Variants in GRM8 observed in about 807,000 individuals in gnomAD.
GRM8 encodes glutamate metabotropic receptor 8, also known as metabotropic glutamate receptor 8.
Under a neutral mutation model 87.2 loss-of-function variants are expected in GRM8, and 47 were observed. The ratio of observed to expected loss-of-function variants is 0.54; its 90% CI spans 0.43 to 0.69. The LOEUF (loss-of-function observed/expected upper bound fraction) is 0.69. GRM8 is among the 30% of genes least tolerant of loss of function. GRM8 has a pLI of 0.00. For missense variants in GRM8, 1,019 were observed against 1,139.2 expected, an observed-to-expected ratio of 0.89 and a Z score of 1.52; for synonymous variants, 396 against 404.5, an observed-to-expected ratio of 0.98 and a Z score of 0.25.
chr7:127,082,648 C>G (rs1006978112), intron 3 of GRM8, among the ~76,000 whole-genome samples: 4 of 152,194 alleles, frequency 2.6e-5, no homozygotes, highest in Admixed American at 2.0e-4. Flanking sequence ...GGGAAAGTAA[C>G]AATCTTAGCT....
chr7:126,620,042 T>TACTTGTAATCCCAGC (rs149617639), intron 7 of GRM8, among the ~76,000 whole-genome samples: 48,611 of 151,960 alleles, frequency 0.32, 8,405 homozygotes, highest in East Asian at 0.43. Flanking sequence ...CAGTGGCTCA[T>TACTTGTAATCCCAGC]ACTTTGGGAA....
At chr7:126,848,744 C>T (rs35505390) in intron 6 of GRM8, among the ~76,000 whole-genome samples, 58,315 of 151,854 alleles carry the variant, frequency 0.38, 11,946 homozygotes, top group Non-Finnish European at 0.46. Flanking sequence ...TCACTTGAGC[C>T]CAGGAGGTCG....
intron 7 of GRM8, among the ~76,000 whole-genome samples, chr7:126,668,074 C>T (rs1050079369): frequency 6.6e-6 from 1 of 152,158 alleles, no homozygotes; most frequent in Non-Finnish European, 1.5e-5. Flanking sequence ...GAAGTTCCAG[C>T]CCTTTGCAGC....
At chr7:126,718,776 G>A (rs1009378114) in intron 7 of GRM8, among the ~76,000 whole-genome samples, 4 of 152,184 alleles carry the variant, frequency 2.6e-5, no homozygotes, top group Admixed American at 2.6e-4. Context: ...GTTCGTGTCA[G>A]CCACTTTCAC....
intron 9 of GRM8, among the ~76,000 whole-genome samples, chr7:126,487,610 G>A (rs1232070939): frequency 6.6e-6 from 1 of 151,784 alleles, no homozygotes; most frequent in Non-Finnish European, 1.5e-5. Flanking sequence ...ACTTTAAATG[G>A]ATCTTTCATC....
At chr7:126,676,394 A>T (rs1483367024) in intron 7 of GRM8, among the ~76,000 whole-genome samples, 1 of 152,124 alleles carries the variant, frequency 6.6e-6, no homozygotes, top group East Asian at 1.9e-4. Flanking sequence ...ATGTGGAACC[A>T]AAAAAAGAGC....
chr7:126,663,725 C>T (rs1805462860), intron 7 of GRM8, among the ~76,000 whole-genome samples: 1 of 152,156 alleles, frequency 6.6e-6, no homozygotes, highest in Non-Finnish European at 1.5e-5. Flanking sequence ...CCACTTAGAA[C>T]AGGAACAAGA....
intron 9 of GRM8, among the ~76,000 whole-genome samples, chr7:126,515,758 C>T (rs1413474724): frequency 6.6e-6 from 1 of 152,132 alleles, no homozygotes; most frequent in Non-Finnish European, 1.5e-5. Flanking sequence ...TTCTGCCTCC[C>T]TCTTCCATAT....
At position 127,059,350 on chromosome 7, in the gene GRM8, T is replaced by G. The variant is rs1311534388; in HGVS notation, c.727+47146A>C. Among the ~76,000 whole-genome samples, 34 of 151,210 alleles carry G rather than the reference T, an allele frequency of 2.2e-4. 1 individual carries two copies. Among genetic ancestry groups the G allele is most frequent in the Admixed American group, 7.2e-4 (11 of 15,218 alleles). On this transcript the variant is annotated intron_variant, in intron 3 of 10. Transcript: ENST00000339582. ...TTTTTGCTTTTTTTTTTTTTTGTTTTTTTTGAGATGGAGTCTTGCTCTGTC... is the reference window on the plus strand; with the variant it reads ...TTTTTGCTTTTTTTTTTTTTTGTTTGTTTTGAGATGGAGTCTTGCTCTGTC...
At position 126,800,766 on chromosome 7, in the gene GRM8, A is replaced by G. The variant is rs905738286; in HGVS notation, c.1157-30701T>C. Among the ~76,000 whole-genome samples the G allele has an allele frequency of 3.3e-5, 5 of 152,206 alleles. No individual in the cohort carries two copies. The South Asian group carries it at 1.0e-3, about 32-fold the overall frequency. On this transcript the variant is annotated intron_variant, in intron 6 of 10. Transcript: ENST00000339582. ...GTGTTTAAAAGAAAATAGAGCGCTA[A>G]TATTTCCCTGCCTTGAGAAAGACTT...
At chr7:126,582,178 A>G (rs1485909877) in intron 8 of GRM8, among the ~76,000 whole-genome samples, 2 of 140,184 alleles carry the variant, frequency 1.4e-5, no homozygotes, top group African/African-American at 4.9e-5. Flanking sequence ...TGAAGAAAAT[A>G]AAAAGTTCTA....
chr7:127,182,358 G>C (rs1376977852), intron 2 of GRM8, among the ~76,000 whole-genome samples: 1 of 151,972 alleles, frequency 6.6e-6, no homozygotes, highest in African/African-American at 2.4e-5. Context: ...ATGTCAGCAT[G>C]GATGCAGTGA....
At chr7:127,069,476 T>C (rs1182057509) in intron 3 of GRM8, among the ~76,000 whole-genome samples, 1 of 134,302 alleles carries the variant, frequency 7.4e-6, no homozygotes, top group African/African-American at 2.6e-5. Context: ...TAACAAATAT[T>C]TTAATTTAAA....
chr7:126,838,398 C>G (rs1355481857), intron 6 of GRM8, among the ~76,000 whole-genome samples: 1 of 152,184 alleles, frequency 6.6e-6, no homozygotes, highest in Admixed American at 6.5e-5. Context: ...CACTGAGGTA[C>G]TGAAACTCTG....
chr7:126,827,764 G>A (rs1794964853), intron 6 of GRM8, among the ~76,000 whole-genome samples: 1 of 152,200 alleles, frequency 6.6e-6, no homozygotes, highest in African/African-American at 2.4e-5. Context: ...AAGGAGTGGT[G>A]AGAGAGGGCA....
At chr7:126,677,569 T>C (rs1036574653) in intron 7 of GRM8, among the ~76,000 whole-genome samples, 1 of 152,120 alleles carries the variant, frequency 6.6e-6, no homozygotes, top group African/African-American at 2.4e-5. Context: ...GATGGAACTA[T>C]AGGCTATTAT....
intron 3 of GRM8, among the ~76,000 whole-genome samples, chr7:126,908,425 T>C (rs991186829): frequency 5.9e-5 from 9 of 152,140 alleles, no homozygotes; most frequent in African/African-American, 2.2e-4. Context: ...AAATGTAACA[T>C]GAAGTAACAC....
At chr7:126,972,882 G>C (rs953154654) in intron 3 of GRM8, among the ~76,000 whole-genome samples, 11 of 152,088 alleles carry the variant, frequency 7.2e-5, no homozygotes, top group Non-Finnish European at 1.3e-4. Flanking sequence ...AGTTACCATA[G>C]TTCTGCCTAC....
intron 7 of GRM8, among the ~76,000 whole-genome samples, chr7:126,676,956 A>G (rs948127502): frequency 1.3e-5 from 2 of 152,216 alleles, no homozygotes; most frequent in Non-Finnish European, 2.9e-5. Context: ...AATATTTGCA[A>G]ACTATACAAT....
Sources: gnomAD v4.1 joint callset for allele counts (sites outside exome capture counted in the v4.1 genomes callset) on GRCh38, gnomAD v4.1.1 for gene constraint, MANE v1.5 for transcripts, NCBI Gene and HGNC (gene_info 2026-07-23, HGNC 2026-07-21) for gene names.